Variants in BCKDHB observed in about 807,000 individuals in gnomAD.
BCKDHB encodes 2-oxoisovalerate dehydrogenase subunit beta, mitochondrial.
A neutral mutation model predicts 48.5 loss-of-function variants in BCKDHB; 41 were observed. That is an observed-to-expected ratio of 0.85 (90% CI 0.66 to 1.10). The LOEUF (loss-of-function observed/expected upper bound fraction) is 1.10. BCKDHB is among the 50% of genes least tolerant of loss of function. The pLI is 0.00. For synonymous variants in BCKDHB, 201 were observed against 174.8 expected (o/e 1.15, Z -1.18); for missense variants, 496 against 494.2 (o/e 1.00, Z -0.03).
intron 9 of BCKDHB, among the ~76,000 whole-genome samples, chr6:80,281,917 T>C (rs530391290): frequency 4.4e-4 from 67 of 151,916 alleles, no homozygotes; most frequent in African/African-American, 1.5e-3. Flanking sequence ...ATAGCTTATA[T>C]TGGGATGGGC....
At chr6:80,294,803 C>A (rs1767137214) in intron 9 of BCKDHB, among the ~76,000 whole-genome samples, 1 of 152,020 alleles carries the variant, frequency 6.6e-6, no homozygotes, top group South Asian at 2.1e-4. Context: ...CAAGACAACA[C>A]ATGCATCACT....
chr6:80,398,138 A>G, the BCKDHB span, among the ~76,000 whole-genome samples: 4 of 151,676 alleles, frequency 2.6e-5, no homozygotes, highest in South Asian at 8.3e-4. Context: ...GAAACATCTT[A>G]AATTAACAAT....
At chr6:80,400,405 G>A in the BCKDHB span, among the ~76,000 whole-genome samples, 148 of 152,012 alleles carry the variant, frequency 9.7e-4, 3 homozygotes, top group Admixed American at 8.1e-3. Context: ...TACAAAGTGG[G>A]CAACAGATAT....
At chr6:80,425,573 GA>G in the BCKDHB span, among the ~76,000 whole-genome samples, 2 of 152,116 alleles carry the variant, frequency 1.3e-5, no homozygotes, top group East Asian at 1.9e-4. Context: ...TAGCATGTGT[GA>G]AAAAAGGTTA....
chr6:80,424,909 T>C, the BCKDHB span, among the ~76,000 whole-genome samples: 1 of 152,058 alleles, frequency 6.6e-6, no homozygotes, highest in Non-Finnish European at 1.5e-5. Context: ...CGGAAAAGAG[T>C]CCAAGGAAAG....
At chr6:80,308,226 C>G (rs907573477) in intron 9 of BCKDHB, among the ~76,000 whole-genome samples, 2 of 151,458 alleles carry the variant, frequency 1.3e-5, no homozygotes, top group Non-Finnish European at 1.5e-5. Flanking sequence ...TGTTTTGATT[C>G]CAGCTTATTT....
the BCKDHB span, among the ~76,000 whole-genome samples, chr6:80,384,923 A>G: frequency 2.6e-5 from 4 of 152,222 alleles, no homozygotes; most frequent in African/African-American, 9.6e-5. Flanking sequence ...TAGACTCCAA[A>G]TTCTTAGGAC....
downstream of BCKDHB, among the ~76,000 whole-genome samples, chr6:80,347,823 A>G (rs1665173199): frequency 6.6e-6 from 1 of 152,196 alleles, no homozygotes; most frequent in South Asian, 2.1e-4. Flanking sequence ...ATACATACAC[A>G]TTTAATTTAT....
At chr6:80,329,782 T>G (rs1769229116) in intron 9 of BCKDHB, among the ~76,000 whole-genome samples, 1 of 152,128 alleles carries the variant, frequency 6.6e-6, no homozygotes, top group South Asian at 2.1e-4. Context: ...TGACACCACC[T>G]TAGAAAGCCC....
intron 9 of BCKDHB, among the ~76,000 whole-genome samples, chr6:80,302,550 A>G (rs892618146): frequency 1.3e-5 from 2 of 152,202 alleles, no homozygotes; most frequent in Admixed American, 1.3e-4. Flanking sequence ...GGATGTTCAA[A>G]ATGCTGACTT....
chr6:80,231,616 T>C (rs997257340), intron 8 of BCKDHB, among the ~76,000 whole-genome samples: 1 of 152,216 alleles, frequency 6.6e-6, no homozygotes, highest in Non-Finnish European at 1.5e-5. Flanking sequence ...ATAGTAATAG[T>C]ACCCACCTCT....
intron 6 of BCKDHB, among the ~76,000 whole-genome samples, chr6:80,188,679 A>G (rs1020603304): frequency 6.6e-6 from 1 of 151,962 alleles, no homozygotes; most frequent in African/African-American, 2.4e-5. Flanking sequence ...AAAACAAACT[A>G]CCAATCGCTT....
the BCKDHB span, among the ~76,000 whole-genome samples, chr6:80,401,698 C>G: frequency 6.6e-6 from 1 of 151,788 alleles, no homozygotes; most frequent in Non-Finnish European, 1.5e-5. Context: ...TCTTATATAA[C>G]TAAAATTTTG....
chr6:80,232,310 G>T (rs59371711), intron 8 of BCKDHB, among the ~76,000 whole-genome samples: 49,521 of 150,878 alleles, frequency 0.33, 8,715 homozygotes, highest in Non-Finnish European at 0.41. Flanking sequence ...TTCTGATTGG[G>T]AAACCAGAGA....
At chr6:80,205,791 G>GGTGTGTGTGTGTGTGTGT (rs3840387) in intron 8 of BCKDHB, among the ~76,000 whole-genome samples, 16 of 135,168 alleles carry the variant, frequency 1.2e-4, no homozygotes, top group African/African-American at 4.0e-4. Flanking sequence ...CTGTGCCATG[G>GGTGTGTGTGTGTGTGTGT]GTGTGTGTGT....
At chr6:80,141,673 G>T (rs1355353257) in intron 3 of BCKDHB, among the ~76,000 whole-genome samples, 2 of 151,918 alleles carry the variant, frequency 1.3e-5, no homozygotes, top group Non-Finnish European at 2.9e-5. Flanking sequence ...AGGAAAAATG[G>T]GATTATAGAT....
chr6:80,225,851 A>T (rs1265913262), intron 8 of BCKDHB, among the ~76,000 whole-genome samples: 1 of 152,160 alleles, frequency 6.6e-6, no homozygotes, highest in East Asian at 1.9e-4. Flanking sequence ...ATTGTTAGAA[A>T]CTTTTAAAAA....
chr6:80,245,310 T>A (rs1776565953), intron 8 of BCKDHB, among the ~76,000 whole-genome samples: 1 of 151,674 alleles, frequency 6.6e-6, no homozygotes, highest in Non-Finnish European at 1.5e-5. Flanking sequence ...AACCCAGGAA[T>A]TGAAGAAAAA....
chr6:80,429,853 T>A, the BCKDHB span, among the ~76,000 whole-genome samples: 1 of 152,244 alleles, frequency 6.6e-6, no homozygotes, highest in South Asian at 2.1e-4. Flanking sequence ...GAATACCCTT[T>A]ATTTCTTTCT....
Sources: gnomAD v4.1 joint callset for allele counts (sites outside exome capture counted in the v4.1 genomes callset) on GRCh38, gnomAD v4.1.1 for gene constraint, MANE v1.5 for transcripts, NCBI Gene and HGNC (gene_info 2026-07-23, HGNC 2026-07-21) for gene names.